PLXNC1: variants seen among roughly 807,000 people sequenced by gnomAD.
PLXNC1 encodes the protein plexin C1, also known as plexin-C1.
In PLXNC1, 75 loss-of-function variants were observed where a neutral mutation model predicts 178.2. The observed-to-expected ratio is 0.42, with a 90% CI of 0.35 to 0.51. The LOEUF (loss-of-function observed/expected upper bound fraction) is 0.51. PLXNC1 is among the 20% of genes least tolerant of loss of function. The pLI is 0.02. For synonymous variants in PLXNC1, 790 were observed against 779.9 expected (o/e 1.01, Z -0.22); for missense variants, 1,503 against 1,984.4 (o/e 0.76, Z 4.61).
intron 27 of PLXNC1, among the ~76,000 whole-genome samples, chr12:94,299,589 C>T (rs1968265407): frequency 6.6e-6 from 1 of 152,088 alleles, no homozygotes; most frequent in Non-Finnish European, 1.5e-5. Context: ...GACAGGGTCT[C>T]ACTCTTGTTG....
intron 9 of PLXNC1, among the ~76,000 whole-genome samples, chr12:94,237,022 C>G (rs2136046229): frequency 6.6e-6 from 1 of 152,222 alleles, no homozygotes; most frequent in African/African-American, 2.4e-5. Context: ...TGTTCTTGAC[C>G]TTAGGCCTGA....
intron 17 of PLXNC1, among the ~76,000 whole-genome samples, chr12:94,258,161 G>T (rs1485701580): frequency 6.6e-6 from 1 of 152,174 alleles, no homozygotes; most frequent in Non-Finnish European, 1.5e-5. Flanking sequence ...CACACAGAGA[G>T]AACCAGGGCG....
At chr12:94,289,655 T>C (rs1967076383) in intron 23 of PLXNC1, among the ~76,000 whole-genome samples, 1 of 152,132 alleles carries the variant, frequency 6.6e-6, no homozygotes, top group African/African-American at 2.4e-5. Flanking sequence ...CCAGGGCACT[T>C]TTCAAAAAGG....
At chr12:94,200,610 C>A (rs1963085621) in intron 4 of PLXNC1, among the ~76,000 whole-genome samples, 1 of 152,030 alleles carries the variant, frequency 6.6e-6, no homozygotes, top group African/African-American at 2.4e-5. Flanking sequence ...AATGTGGCCC[C>A]CAGTTACACA....
intron 22 of PLXNC1, among the ~76,000 whole-genome samples, chr12:94,281,607 A>T (rs1289299839): frequency 1.2e-5 from 1 of 84,430 alleles, no homozygotes; most frequent in Non-Finnish European, 2.4e-5. Context: ...AATTTTATAG[A>T]GACAAGTCTC....
chr12:94,304,240 ATC>A, intron 30 of PLXNC1, 189 bp downstream of exon 30: 1 of 493,274 alleles, frequency 2.0e-6, no homozygotes, highest in Non-Finnish European at 3.6e-6. Flanking sequence ...TTACAGTTTT[ATC>A]ATGCTGCCCA....
At position 94,260,773 on chromosome 12, in the gene PLXNC1, G is replaced by C; in HGVS notation, c.3383G>C (p.Arg1128Pro). 2 of 1,614,168 alleles carry C rather than the reference G, an allele frequency of 1.2e-6. No homozygotes were observed. The highest frequency in any genetic ancestry group is 1.7e-6 in the Non-Finnish European group (2 of 1,180,020). Residue 1128 changes from arginine (R) to proline (P), a missense_variant, in exon 20 of 31, where the codon CGC becomes CCC. By Grantham distance (103) the Arg-to-Pro change is moderately radical. This residue lies in a region of PLXNC1 where 639 missense variants were observed against 979.7 expected (regional missense o/e 0.65). Coordinates refer to ENST00000258526, the MANE Select transcript of PLXNC1 (RefSeq NM_005761.3). This position sits in a 1 kb window ranked among gnomAD's most constrained non-coding sequence, Gnocchi z 4.4. ...SNMQPKLMLR[R>P]TESVVEKLLT... is the part of the protein sequence containing the mutation. ...ATGCAGCCGAAACTCATGCTGAGACGCACGGAGTCCGTCGTCGAAAAACTC... is the reference window on the plus strand; with the variant it reads ...ATGCAGCCGAAACTCATGCTGAGACCCACGGAGTCCGTCGTCGAAAAACTC...
In PLXNC1 at chr12:94,255,182, C is replaced by G. The variant is rs1192089906; in HGVS notation, c.2984-11C>G. On this transcript the variant is annotated splice_polypyrimidine_tract_variant and intron_variant, in intron 16 of 30. Coordinates refer to ENST00000258526, the MANE Select transcript of PLXNC1 (RefSeq NM_005761.3). ...GAGTTAAAATATTGCTCTTGGGATT[C>G]TGTTTTGCAGGCTTTGCTGAGCTGC... The G allele has an allele frequency of 1.2e-6, 2 of 1,600,176 alleles. No individual in the cohort carries two copies. Among genetic ancestry groups the G allele is most frequent in the South Asian group, 2.2e-5 (2 of 90,742 alleles).
At chr12:94,257,694 C>T (rs1368776004) in intron 17 of PLXNC1, among the ~76,000 whole-genome samples, 1 of 150,716 alleles carries the variant, frequency 6.6e-6, no homozygotes, top group Non-Finnish European at 1.5e-5. Flanking sequence ...ATTGCTTGAA[C>T]CCGAGATCAA....
At chr12:94,178,199 A>G (rs1962172770) in intron 2 of PLXNC1, among the ~76,000 whole-genome samples, 1 of 152,100 alleles carries the variant, frequency 6.6e-6, no homozygotes, top group Non-Finnish European at 1.5e-5. Context: ...GCCCTATAGA[A>G]TGTCTCTTAT....
chr12:94,277,083 T>C (rs1966019677), intron 21 of PLXNC1: 1 of 152,212 alleles, frequency 6.6e-6, no homozygotes, highest in South Asian at 2.1e-4. Context: ...ACTGGGTGGC[T>C]TATAAATAAT....
intron 11 of PLXNC1, among the ~76,000 whole-genome samples, chr12:94,241,888 A>G (rs1964397058): frequency 6.6e-6 from 1 of 152,080 alleles, no homozygotes; most frequent in Non-Finnish European, 1.5e-5. Context: ...TTTAGGACTA[A>G]AATCCTAACG....
intron 10 of PLXNC1, among the ~76,000 whole-genome samples, 180 bp from the exon 11 acceptor site, chr12:94,240,305 C>G (rs1036812894): frequency 2.6e-5 from 4 of 152,146 alleles, no homozygotes; most frequent in Non-Finnish European, 4.4e-5. Flanking sequence ...AAAGAGGAAC[C>G]CAACCCCTAA....
At chr12:94,194,855 G>A (rs911619250) in intron 4 of PLXNC1, among the ~76,000 whole-genome samples, 3 of 152,140 alleles carry the variant, frequency 2.0e-5, no homozygotes, top group Non-Finnish European at 2.9e-5. Context: ...GGTAGGCAAC[G>A]AAGTTGTGTC....
intron 4 of PLXNC1, among the ~76,000 whole-genome samples, chr12:94,186,924 C>T (rs1962533065): frequency 6.6e-6 from 1 of 152,200 alleles, no homozygotes; most frequent in African/African-American, 2.4e-5. Flanking sequence ...TCTCCTAATG[C>T]GCCGCGCAGC....
rs965614100 is a variant in PLXNC1, at chr12:94,294,603, C to T, written c.3934+63C>T. ...CAGCTTCATAAAGTATTGCTTTTTG[C>T]CTCTCTCAGCTGTATTGTCACAAAG... is the stretch of plus-strand genomic sequence containing the variant. On this transcript the variant is annotated intron_variant, in intron 24 of 30. Coordinates refer to ENST00000258526, the MANE Select transcript of PLXNC1 (RefSeq NM_005761.3). 16 of 724,760 alleles carry T rather than the reference C, an allele frequency of 2.2e-5. No individual in the cohort carries two copies. The African/African-American group carries it at 2.7e-4, about 12-fold the overall frequency. The allele number at this position is 724,760 out of a possible 1,614,324, so 44.9% of individuals were successfully genotyped here. A position where few individuals can be genotyped will look rare whatever the true frequency, so the allele number is the denominator to read the frequency against.
rs555856637 is a variant in PLXNC1 at position 94,222,369 on chromosome 12, T to C, written c.1703-1859T>C. The stretch of plus-strand genomic sequence containing the variant: ...GTGACCATTGCCAAGCCTTTATCCA[T>C]GGCCTTCTTTAAACCTAGAATGGCT... On this transcript the variant is annotated intron_variant, in intron 6 of 30. Transcript: ENST00000258526. Among the ~76,000 whole-genome samples, 3 of 152,320 alleles carry C rather than the reference T, an allele frequency of 2.0e-5. No homozygotes were observed. The South Asian group carries it at 6.2e-4, about 32-fold the overall frequency.
chr12:94,291,921 T>G (rs947323514), intron 23 of PLXNC1, among the ~76,000 whole-genome samples: 4 of 152,220 alleles, frequency 2.6e-5, no homozygotes, highest in Admixed American at 2.6e-4. Context: ...TCCCCGCTTT[T>G]GGAGTCCCTC....
At chr12:94,280,783 A>G (rs1966380826) in intron 22 of PLXNC1, among the ~76,000 whole-genome samples, 1 of 152,212 alleles carries the variant, frequency 6.6e-6, no homozygotes, top group Admixed American at 6.5e-5. Context: ...CCCGCCCGAC[A>G]GTCTTGGTCC....
Sources: allele counts gnomAD v4.1 joint callset (sites outside exome capture counted in the v4.1 genomes callset), GRCh38; gene constraint gnomAD v4.1.1; regional missense constraint gnomAD v4.1.1; non-coding constraint Gnocchi (gnomAD v3.1); transcripts MANE v1.5; gene names NCBI Gene and HGNC (gene_info 2026-07-23, HGNC 2026-07-21).